JARID2: variants seen among roughly 807,000 people sequenced by gnomAD.
JARID2 encodes jumonji and AT-rich interaction domain containing 2.
In JARID2, 21 loss-of-function variants were observed where a neutral mutation model predicts 125.6. The observed-to-expected ratio is 0.17, with a 90% CI of 0.12 to 0.24. The LOEUF (loss-of-function observed/expected upper bound fraction) is 0.24. Among genes scored for constraint, JARID2 ranks in the 10% least tolerant of loss-of-function variants. JARID2 has a pLI of 1.00. For synonymous variants in JARID2, 736 were observed against 661.6 expected (o/e 1.11, Z -1.73); for missense variants, 1,303 against 1,639.6 (o/e 0.79, Z 3.55).
intron 2 of JARID2, among the ~76,000 whole-genome samples, chr6:15,399,430 A>G (rs369517277): frequency 6.6e-6 from 1 of 152,096 alleles, no homozygotes; most frequent in East Asian, 1.9e-4. Context: ...TATAATTATG[A>G]TTTTAAAGTG....
At position 15,374,235 on chromosome 6, in the gene JARID2, G is replaced by A; in HGVS notation, c.164G>A (p.Ser55Asn). The change falls in exon 2 of 18, where the codon AGC (serine) becomes AAC (asparagine). Residue 55 changes from serine to asparagine, a missense_variant. Ser to Asn is a conservative substitution (Grantham distance 46). Around this residue, in one of 11 missense-constraint regions of JARID2, gnomAD observed 93 missense variants for 120.4 expected, o/e 0.77. Coordinates refer to ENST00000341776, the MANE Select transcript of JARID2 (RefSeq NM_004973.4). ...CAGCATGCGGAAGGCATTGCTGGGA[G>A]CCTGAAAACTGTGAATGGTGAGTTG... ...KRQHAEGIAG[S>N]LKTVNGLLGN... The A allele has an allele frequency of 6.2e-7, 1 of 1,614,030 alleles. No homozygotes were observed. Among genetic ancestry groups the A allele is most frequent in the Non-Finnish European group, 8.5e-7 (1 of 1,179,924 alleles).
intron 9 of JARID2, among the ~76,000 whole-genome samples, chr6:15,506,109 T>A (rs1232527356): frequency 1.3e-5 from 2 of 152,216 alleles, no homozygotes; most frequent in East Asian, 3.8e-4. Context: ...AAGGGGAGAT[T>A]TGCTAGAATT....
intron 1 of JARID2, among the ~76,000 whole-genome samples, chr6:15,339,192 C>T (rs1762983529): frequency 3.9e-5 from 6 of 152,108 alleles, no homozygotes; most frequent in Admixed American, 3.9e-4. Context: ...GACCGGGCCT[C>T]TCAATTATAC....
At chr6:15,414,069 G>C (rs1381690853) in intron 3 of JARID2, among the ~76,000 whole-genome samples, 1 of 152,124 alleles carries the variant, frequency 6.6e-6, no homozygotes, top group African/African-American at 2.4e-5. Flanking sequence ...ATCCTTTTAT[G>C]TGCATGATTT....
At chr6:15,412,990 G>T (rs1452801101) in intron 3 of JARID2, among the ~76,000 whole-genome samples, 1 of 141,392 alleles carries the variant, frequency 7.1e-6, no homozygotes, top group African/African-American at 2.7e-5. Flanking sequence ...ATTATACATG[G>T]GAAGAGCTTG....
At position 15,496,794 on chromosome 6, in the gene JARID2, A is replaced by C; in HGVS notation, c.1569A>C (p.Glu523Asp). The part of the protein sequence containing the change: ...AHGKADSASC[E>D]NRSTSQPESV... ...GCAAGGCGGACAGCGCCTCCTGTGA[A>C]AATCGTTCTACCTCGCAACCGGAGT... The change falls in exon 7 of 18, where the codon GAA becomes GAC. Residue 523 changes from glutamate to aspartate, a missense_variant. By Grantham distance (45) the Glu-to-Asp change is conservative (BLOSUM62 2). Around this residue, in one of 11 missense-constraint regions of JARID2, gnomAD observed 651 missense variants for 581.6 expected, o/e 1.12. Coordinates refer to ENST00000341776, the MANE Select transcript of JARID2 (RefSeq NM_004973.4). The C allele has an allele frequency of 6.2e-7, 1 of 1,610,680 alleles. No homozygotes were observed. The highest frequency in any genetic ancestry group is 8.5e-7 in the Non-Finnish European group (1 of 1,178,292).
intron 2 of JARID2, 70 bp downstream of exon 2, chr6:15,374,322 G>A: frequency 1.6e-5 from 25 of 1,525,234 alleles, no homozygotes; most frequent in Non-Finnish European, 2.2e-5. Flanking sequence ...TCCTGAATTG[G>A]ATGTATTCTG....
Position 15,383,744 on chromosome 6 carries a change from G to A in JARID2, c.181+9492G>A, listed in dbSNP as rs1305590221. ...AATTGCCCATTTAGCAGCATTTACC[G>A]TGATTGAACATCTCCTGAACACCAC... On this transcript the variant is annotated intron_variant, in intron 2 of 17. Coordinates refer to ENST00000341776, the MANE Select transcript of JARID2 (RefSeq NM_004973.4). Among the ~76,000 whole-genome samples, 7 of 152,160 alleles carry A rather than the reference G, an allele frequency of 4.6e-5. 1 individual carries two copies. The highest frequency in any genetic ancestry group is 1.9e-4 in the East Asian group (1 of 5,168).
At chr6:15,509,308 C>T (rs1460780279) in intron 12 of JARID2, 1 of 985,236 alleles carries the variant, frequency 1.0e-6, no homozygotes, top group Non-Finnish European at 1.2e-6. Flanking sequence ...GCCATGCTGA[C>T]TGTGTTTATT....
At chr6:15,432,476 C>G (rs1486559648) in intron 3 of JARID2, among the ~76,000 whole-genome samples, 2 of 151,166 alleles carry the variant, frequency 1.3e-5, no homozygotes, top group African/African-American at 2.4e-5. Context: ...ACAACAACAA[C>G]AACAAGAAAA....
intron 4 of JARID2, among the ~76,000 whole-genome samples, chr6:15,463,113 G>A (rs1207928741): frequency 5.3e-5 from 8 of 151,930 alleles, no homozygotes; most frequent in Non-Finnish European, 1.0e-4. Context: ...TTGAATAATC[G>A]GGAGAGAAAA....
chr6:15,505,941 A>T (rs1020965085), intron 9 of JARID2, among the ~76,000 whole-genome samples: 20 of 152,358 alleles, frequency 1.3e-4, no homozygotes, highest in African/African-American at 4.8e-4. Flanking sequence ...TTTATTGCCA[A>T]ACAACACGTG....
intron 2 of JARID2, among the ~76,000 whole-genome samples, chr6:15,393,558 A>T (rs1028106584): frequency 6.6e-6 from 1 of 152,230 alleles, no homozygotes; most frequent in Non-Finnish European, 1.5e-5. Context: ...TTGTGGAAAA[A>T]TTCAAGATTT....
chr6:15,503,509 C>T (rs546124427), intron 8 of JARID2, among the ~76,000 whole-genome samples: 42 of 152,258 alleles, frequency 2.8e-4, no homozygotes, highest in South Asian at 1.2e-3. Flanking sequence ...TCCAGTGCTC[C>T]GCAGGGAAGC....
intron 7 of JARID2, among the ~76,000 whole-genome samples, chr6:15,497,666 G>T (rs995453231): frequency 4.3e-5 from 4 of 92,582 alleles, no homozygotes; most frequent in African/African-American, 7.9e-5. Flanking sequence ...AAAAAAAAAA[G>T]TATTGAGCTT....
intron 4 of JARID2, among the ~76,000 whole-genome samples, chr6:15,465,468 T>TTG (rs951872040): frequency 1.3e-5 from 2 of 152,158 alleles, no homozygotes; most frequent in Non-Finnish European, 2.9e-5. Flanking sequence ...ATCTTATCCT[T>TTG]TGTAGATATC....
intron 1 of JARID2, among the ~76,000 whole-genome samples, chr6:15,278,592 TAAAA>T (rs1760629189): frequency 6.6e-6 from 1 of 150,928 alleles, no homozygotes; most frequent in South Asian, 2.1e-4. Flanking sequence ...TCTCAAAAAA[TAAAA>T]AATAAAAAAA....
chr6:15,416,222 G>A (rs1766199914), intron 3 of JARID2, among the ~76,000 whole-genome samples: 1 of 151,038 alleles, frequency 6.6e-6, no homozygotes, highest in African/African-American at 2.4e-5. Context: ...CCAGGCCGAG[G>A]GGCTCCTCAT....
intron 3 of JARID2, among the ~76,000 whole-genome samples, chr6:15,451,585 G>A (rs1283377338): frequency 6.6e-6 from 1 of 152,160 alleles, no homozygotes; most frequent in Non-Finnish European, 1.5e-5. Context: ...TTGTGACCCC[G>A]TTAGATGGAC....
Sources: allele counts gnomAD v4.1 joint callset (sites outside exome capture counted in the v4.1 genomes callset), GRCh38; gene constraint gnomAD v4.1.1; regional missense constraint gnomAD v4.1.1; transcripts MANE v1.5; gene names NCBI Gene and HGNC (gene_info 2026-07-23, HGNC 2026-07-21).